CGNL1: variants seen among roughly 807,000 people sequenced by gnomAD.
CGNL1 encodes the protein cingulin like 1.
A neutral mutation model predicts 141.2 loss-of-function variants in CGNL1; 132 were observed. That is an observed-to-expected ratio of 0.93 (90% CI 0.81 to 1.08). The LOEUF is 1.08. Among genes scored for constraint, CGNL1 ranks in the 50% least tolerant of loss-of-function variants. CGNL1 has a pLI of 0.00. For synonymous variants in CGNL1, 690 were observed against 622.1 expected (o/e 1.11, Z -1.63); for missense variants, 1,870 against 1,588.6 (o/e 1.18, Z -3.01).
At chr15:57,412,101 A>T (rs1433925794) in intron 1 of CGNL1, among the ~76,000 whole-genome samples, 2 of 152,190 alleles carry the variant, frequency 1.3e-5, no homozygotes, top group African/African-American at 4.8e-5. Flanking sequence ...CAACCAGCTG[A>T]TGACAGTTTG....
Position 57,438,155 on chromosome 15 carries a change from C to G in CGNL1, c.156C>G (p.His52Gln). ...VSIRVQGIDG[H>Q]PYIVLNNTER... ...TTCGGGTCCAGGGAATTGATGGTCACCCCTATATTGTCCTGAATAACACAG... is the reference window on the plus strand; with the variant it reads ...TTCGGGTCCAGGGAATTGATGGTCAGCCCTATATTGTCCTGAATAACACAG... The change falls in exon 2 of 19, where the codon CAC (histidine) becomes CAG (glutamine). Residue 52 changes from histidine to glutamine, a missense_variant. Coordinates refer to ENST00000281282, the MANE Select transcript of CGNL1 (RefSeq NM_032866.5). The G allele has an allele frequency of 1.2e-6, 2 of 1,614,176 alleles. No homozygotes were observed. The highest frequency in any genetic ancestry group is 1.7e-6 in the Non-Finnish European group (2 of 1,180,034).
rs373960675 is a variant in CGNL1, at chr15:57,450,971, C to A, written c.1804-529C>A. 7.2e-5 allele frequency among the ~76,000 whole-genome samples: 11 copies of A among 152,196 alleles called. No individual in the cohort carries two copies. The East Asian group carries it at 1.4e-3, about 19-fold the overall frequency. ...ATCTCCTGATGTAGTAATTCTCAAA[C>A]CACTCTTAAGAAACACTAAAGCTAA... On this transcript the variant is annotated intron_variant, in intron 4 of 18. Transcript: ENST00000281282.
At chr15:57,414,187 C>T (rs552663981) in intron 1 of CGNL1, among the ~76,000 whole-genome samples, 2 of 152,280 alleles carry the variant, frequency 1.3e-5, no homozygotes, top group Admixed American at 6.5e-5. Flanking sequence ...AGCAGGTTCC[C>T]TTTGCTAAGG....
chr15:57,533,046 G>C (rs1313806877), intron 14 of CGNL1, among the ~76,000 whole-genome samples: 1 of 152,208 alleles, frequency 6.6e-6, no homozygotes, highest in Non-Finnish European at 1.5e-5. Context: ...AGGCAGCCCT[G>C]CTCAAAGTAG....
At chr15:57,401,768 A>G (rs1262090664) in intron 1 of CGNL1, among the ~76,000 whole-genome samples, 4 of 152,242 alleles carry the variant, frequency 2.6e-5, no homozygotes, top group South Asian at 2.1e-4. Flanking sequence ...AGCAGTCTTT[A>G]TATTCTCCTC....
intron 1 of CGNL1, among the ~76,000 whole-genome samples, chr15:57,425,986 C>T (rs1343684499): frequency 6.6e-6 from 1 of 151,876 alleles, no homozygotes; most frequent in African/African-American, 2.4e-5. Context: ...CCTTTACTCA[C>T]CAATTCTAGG....
In CGNL1 at chr15:57,438,887, C is replaced by G. The variant is rs1367017024; in HGVS notation, c.888C>G (p.Ser296=). 6.2e-7 allele frequency: 1 copy of G among 1,614,172 alleles called. No homozygotes were observed. The highest frequency in any genetic ancestry group is 8.5e-7 in the Non-Finnish European group (1 of 1,180,036). Residue 296 remains serine (S), a synonymous_variant, in exon 2 of 19, where the codon TCC becomes TCG. Coordinates refer to ENST00000281282, the MANE Select transcript of CGNL1 (RefSeq NM_032866.5). The part of the protein sequence containing the change: ...PVLDGARSRR[S]SSSSTTPTSA... ...TGGATGGAGCTCGGTCCCGGAGGTCCTCCTCGTCATCCACAACTCCCACGT... is the reference window on the plus strand; with the variant it reads ...TGGATGGAGCTCGGTCCCGGAGGTCGTCCTCGTCATCCACAACTCCCACGT...
At chr15:57,530,273 C>T (rs182345304) in intron 13 of CGNL1, among the ~76,000 whole-genome samples, 1 of 152,302 alleles carries the variant, frequency 6.6e-6, no homozygotes, top group Non-Finnish European at 1.5e-5. Flanking sequence ...TTCCTTTGGC[C>T]GACTTAGGTC....
At chr15:57,462,885 G>A (rs1234111541) in intron 8 of CGNL1, among the ~76,000 whole-genome samples, 2 of 151,874 alleles carry the variant, frequency 1.3e-5, no homozygotes, top group African/African-American at 2.4e-5. Context: ...TTTTTTTTTA[G>A]ATTTGACTGA....
intron 1 of CGNL1, among the ~76,000 whole-genome samples, chr15:57,409,924 A>C (rs1194756219): frequency 6.6e-6 from 1 of 152,216 alleles, no homozygotes; most frequent in Non-Finnish European, 1.5e-5. Context: ...GAGCATCTTC[A>C]TCTGATGCCT....
chr15:57,476,223 G>C (rs1470408733), intron 8 of CGNL1, among the ~76,000 whole-genome samples: 1 of 152,106 alleles, frequency 6.6e-6, no homozygotes, highest in African/African-American at 2.4e-5. Context: ...GGCCAGGGCG[G>C]GTTCCTAAGA....
At chr15:57,545,741 C>G in intron 17 of CGNL1, 41 bp downstream of exon 17, 1 of 1,522,022 alleles carries the variant, frequency 6.6e-7, no homozygotes, top group Non-Finnish European at 9.0e-7. Context: ...GATGAGATTG[C>G]GTGTCTCAGG....
chr15:57,440,278 A>C (rs1198718697), intron 2 of CGNL1, 99 bp from the exon 3 acceptor site: 1 of 811,716 alleles, frequency 1.2e-6, no homozygotes, highest in Non-Finnish European at 2.0e-6. Flanking sequence ...AAATGTTGTA[A>C]CTGGCTCTAA....
chr15:57,436,210 T>A (rs2063103812), intron 1 of CGNL1, among the ~76,000 whole-genome samples: 1 of 152,314 alleles, frequency 6.6e-6, no homozygotes, highest in Admixed American at 6.5e-5. Context: ...TTTTGTTGCA[T>A]GTTGATGACC....
In CGNL1 at chr15:57,442,495, T is replaced by C; in HGVS notation, c.1803+17T>C. 6.7e-7 allele frequency: 1 copy of C among 1,490,322 alleles called. No individual in the cohort carries two copies. The highest frequency in any genetic ancestry group is 9.4e-7 in the Non-Finnish European group (1 of 1,067,972). 92.3% of individuals were successfully genotyped at this position (1,490,322 alleles called of 1,614,324 possible). A position where few individuals can be genotyped will look rare whatever the true frequency, so the allele number is the denominator to read the frequency against. On this transcript the variant is annotated intron_variant, in intron 4 of 18. Transcript: ENST00000281282. ...AATAACCAAGTAAATGGAAGTTTTG[T>C]ATTTTGTAGAGTGCATTTAGCATGG... is the stretch of plus-strand genomic sequence containing the variant.
chr15:57,425,404 GC>G (rs1454178053), intron 1 of CGNL1, among the ~76,000 whole-genome samples: 1 of 152,082 alleles, frequency 6.6e-6, no homozygotes, highest in South Asian at 2.1e-4. Flanking sequence ...CGCTGAGTGG[GC>G]TATCAAATTT....
Position 57,507,128 on chromosome 15 carries a change from A to G in CGNL1, c.2404-9652A>G, listed in dbSNP as rs140013551. ...AACCACTAGTCTACTTTCTGTCTGTATGGATTTGCCTATTCTGGACATTTT... is the reference window on the plus strand; with the variant it reads ...AACCACTAGTCTACTTTCTGTCTGTGTGGATTTGCCTATTCTGGACATTTT... On this transcript the variant is annotated intron_variant, in intron 8 of 18. Coordinates refer to ENST00000281282, the MANE Select transcript of CGNL1 (RefSeq NM_032866.5). Among the ~76,000 whole-genome samples the G allele has an allele frequency of 1.2e-4, 19 of 152,272 alleles. No individual in the cohort carries two copies. In the East Asian group the frequency reaches 3.7e-3, roughly 29 times the overall value.
intron 1 of CGNL1, among the ~76,000 whole-genome samples, chr15:57,394,268 C>A (rs1018896886): frequency 6.6e-6 from 1 of 151,858 alleles, no homozygotes; most frequent in Non-Finnish European, 1.5e-5. Flanking sequence ...GGATTATAGG[C>A]ATGTGCCATC....
At chr15:57,493,779 G>C (rs1376168640) in intron 8 of CGNL1, among the ~76,000 whole-genome samples, 1 of 152,174 alleles carries the variant, frequency 6.6e-6, no homozygotes, top group African/African-American at 2.4e-5. Context: ...TCTCAGATTC[G>C]ATGCTGTTCT....
Sources: allele counts gnomAD v4.1 joint callset (sites outside exome capture counted in the v4.1 genomes callset), GRCh38; gene constraint gnomAD v4.1.1; transcripts MANE v1.5; gene names NCBI Gene and HGNC (gene_info 2026-07-23, HGNC 2026-07-21).